The following MS4A6E variants were observed in gnomAD, a reference collection of about 807,000 sequenced individuals.
The protein encoded by MS4A6E is membrane spanning 4-domains A6E, also known as membrane-spanning 4-domains subfamily A member 6E.
MS4A6E carries 8 observed loss-of-function variants against 13.2 expected under a neutral mutation model. That is an observed-to-expected ratio of 0.60 (90% CI 0.35 to 1.09). MS4A6E has a LOEUF of 1.09. Among genes scored for constraint, MS4A6E ranks in the 50% least tolerant of loss-of-function variants. The pLI, the probability that MS4A6E is intolerant of heterozygous loss-of-function variation, is 0.02. For missense variants in MS4A6E, 177 were observed against 171.1 expected (o/e 1.03, Z -0.19); for synonymous variants, 72 against 67.6 (o/e 1.06, Z -0.32).
intron 4 of MS4A6E, among the ~76,000 whole-genome samples, chr11:60,340,364 T>C (rs1490641847): frequency 6.6e-6 from 1 of 152,214 alleles, no homozygotes; most frequent in African/African-American, 2.4e-5. Flanking sequence ...TTTAATAGTA[T>C]TGACTTGGTA....
intron 1 of MS4A6E, among the ~76,000 whole-genome samples, chr11:60,330,628 C>T (rs144460047): frequency 1.3e-3 from 196 of 152,108 alleles, no homozygotes; most frequent in African/African-American, 4.2e-3. Context: ...CATAAGCCAC[C>T]GCGCCTGGCC....
intron 4 of MS4A6E, among the ~76,000 whole-genome samples, chr11:60,347,584 A>G (rs538535758): frequency 6.6e-6 from 1 of 151,774 alleles, no homozygotes; most frequent in East Asian, 1.9e-4. Context: ...GAACTGAGAA[A>G]AAAAAAAAAA....
intron 2 of MS4A6E, among the ~76,000 whole-genome samples, 156 bp from the exon 3 acceptor site, chr11:60,337,585 T>C (rs1396613426): frequency 6.6e-6 from 1 of 152,200 alleles, no homozygotes; most frequent in African/African-American, 2.4e-5. Context: ...TCTGAGTTTT[T>C]GGCTGGACAC....
At chr11:60,338,281 A>T (rs2085201958) in intron 3 of MS4A6E, among the ~76,000 whole-genome samples, 1 of 152,224 alleles carries the variant, frequency 6.6e-6, no homozygotes. Context: ...GTGAATTCAG[A>T]TTGGCAAACA....
At chr11:60,342,063 A>G (rs1438837816), downstream of MS4A6E, among the ~76,000 whole-genome samples, 1 of 152,128 alleles carries the variant, frequency 6.6e-6, no homozygotes, top group Non-Finnish European at 1.5e-5. Flanking sequence ...TTATTTGAGC[A>G]CAGAATAAAG....
At chr11:60,335,559 G>A in intron 2 of MS4A6E, 1 of 455,938 alleles carries the variant, frequency 2.2e-6, no homozygotes, top group Non-Finnish European at 4.4e-6. Flanking sequence ...ATTGCATGAA[G>A]GGAGGAGAGA....
downstream of MS4A6E, among the ~76,000 whole-genome samples, chr11:60,346,130 C>A (rs2085255238): frequency 6.6e-6 from 1 of 152,184 alleles, no homozygotes; most frequent in South Asian, 2.1e-4. Flanking sequence ...CTGGTGACTT[C>A]TGTCTCTGGG....
At chr11:60,331,441 T>C (rs769670580) in intron 1 of MS4A6E, among the ~76,000 whole-genome samples, 22 of 152,184 alleles carry the variant, frequency 1.4e-4, no homozygotes, top group Non-Finnish European at 1.9e-4. Flanking sequence ...ATTTTTTGTT[T>C]GTTTGATTTT....
intron 1 of MS4A6E, among the ~76,000 whole-genome samples, chr11:60,328,161 G>A (rs1295336907): frequency 6.6e-6 from 1 of 152,042 alleles, no homozygotes; most frequent in African/African-American, 2.4e-5. Context: ...GAACTAGGAT[G>A]TTTGGTGAAA....
At chr11:60,334,144 A>T (rs915089784) in intron 1 of MS4A6E, among the ~76,000 whole-genome samples, 1 of 152,158 alleles carries the variant, frequency 6.6e-6, no homozygotes, top group Non-Finnish European at 1.5e-5. Context: ...CAGAGTTTGG[A>T]TGCCATGTTG....
intron 2 of MS4A6E, chr11:60,335,410 G>T (rs2085182277): frequency 2.7e-6 from 1 of 372,132 alleles, no homozygotes; most frequent in African/African-American, 2.1e-5. Flanking sequence ...TCTTTGCAAG[G>T]AATTTTTCCC....
downstream of MS4A6E, among the ~76,000 whole-genome samples, chr11:60,345,640 C>T (rs890682181): frequency 2.0e-5 from 3 of 152,204 alleles, no homozygotes; most frequent in Admixed American, 6.5e-5. Context: ...TAGGTGAGAA[C>T]AAGTGTTTAA....
chr11:60,341,422 A>G (rs1297411249), downstream of MS4A6E, among the ~76,000 whole-genome samples: 2 of 152,186 alleles, frequency 1.3e-5, no homozygotes, highest in Non-Finnish European at 2.9e-5. Flanking sequence ...ATTTTAACTC[A>G]ATTTTCTCCT....
At chr11:60,344,575 C>A (rs2085247443), downstream of MS4A6E, among the ~76,000 whole-genome samples, 1 of 152,200 alleles carries the variant, frequency 6.6e-6, no homozygotes, top group South Asian at 2.1e-4. Context: ...TTTCCATTGG[C>A]TAGAGACTGG....
chr11:60,333,778 T>C (rs1446810376), intron 1 of MS4A6E, among the ~76,000 whole-genome samples: 2 of 152,188 alleles, frequency 1.3e-5, no homozygotes, highest in African/African-American at 4.8e-5. Context: ...AGAGATATTT[T>C]ATGGAGAATG....
chr11:60,337,851 G>A lies in MS4A6E; in HGVS notation c.258G>A (p.Lys86=), dbSNP rs1364760582. Residue 86 remains lysine (K), a synonymous_variant, in exon 3 of 5, where the codon AAG becomes AAA. Coordinates refer to ENST00000684409, the MANE Select transcript of MS4A6E (RefSeq NM_139249.4). ...AALNPASLQC[K]LDEKDIPTRL... The stretch of plus-strand genomic sequence containing the variant: ...TAAATCCTGCCTCATTGCAGTGTAA[G>A]TTGGACGAAAAGGATATACCAACCA... 1.9e-6 allele frequency: 3 copies of A among 1,614,180 alleles called. No individual in the cohort carries two copies. The highest frequency in any genetic ancestry group is 2.5e-6 in the Non-Finnish European group (3 of 1,180,038).
At chr11:60,346,836 T>C (rs1685897697) in intron 4 of MS4A6E, among the ~76,000 whole-genome samples, 1 of 152,212 alleles carries the variant, frequency 6.6e-6, no homozygotes, top group Admixed American at 6.5e-5. Context: ...CAAATTTCTC[T>C]GCTAGCTGCA....
chr11:60,343,604 A>G (rs892509123), downstream of MS4A6E, among the ~76,000 whole-genome samples: 3 of 152,216 alleles, frequency 2.0e-5, no homozygotes, highest in Non-Finnish European at 4.4e-5. Context: ...CCCATGTATA[A>G]TTAAAATCTC....
downstream of MS4A6E, among the ~76,000 whole-genome samples, chr11:60,342,201 G>GA (rs1565157620): frequency 2.1e-5 from 1 of 48,268 alleles, no homozygotes; most frequent in South Asian, 8.2e-4. Context: ...GAGAGAGAGA[G>GA]GGGGGGGGAG....
Sources: allele counts gnomAD v4.1 joint callset (sites outside exome capture counted in the v4.1 genomes callset), GRCh38; gene constraint gnomAD v4.1.1; transcripts MANE v1.5; gene names NCBI Gene and HGNC (gene_info 2026-07-23, HGNC 2026-07-21).